Variants in PXDNL observed in about 807,000 individuals in gnomAD.
PXDNL encodes probable oxidoreductase PXDNL.
A neutral mutation model predicts 150.8 loss-of-function variants in PXDNL; 145 were observed. The observed-to-expected ratio is 0.96, with a 90% CI of 0.84 to 1.10. PXDNL has a LOEUF of 1.10. PXDNL is among the 50% of genes least tolerant of loss of function. The pLI is 0.00. For missense variants in PXDNL, 2,087 were observed against 1,873.9 expected (o/e 1.11, Z -2.10); for synonymous variants, 757 against 725.7 (o/e 1.04, Z -0.69).
chr8:51,376,628 T>A (rs921608534), intron 17 of PXDNL, among the ~76,000 whole-genome samples: 1 of 152,186 alleles, frequency 6.6e-6, no homozygotes, highest in African/African-American at 2.4e-5. Context: ...CATACTCTTC[T>A]TTCACTACAG....
At chr8:51,522,661 T>A (rs1181795775) in intron 4 of PXDNL, among the ~76,000 whole-genome samples, 1 of 152,024 alleles carries the variant, frequency 6.6e-6, no homozygotes, top group Non-Finnish European at 1.5e-5. Context: ...CTGGCCAACA[T>A]GATGAAACCC....
chr8:51,776,887 T>C (rs995420813), intron 1 of PXDNL, among the ~76,000 whole-genome samples: 1 of 152,212 alleles, frequency 6.6e-6, no homozygotes, highest in African/African-American at 2.4e-5. Flanking sequence ...TGTTTTGTTC[T>C]GGTTTTAATG....
intron 4 of PXDNL, among the ~76,000 whole-genome samples, chr8:51,503,687 T>C (rs1039073487): frequency 6.6e-6 from 1 of 152,232 alleles, no homozygotes; most frequent in Non-Finnish European, 1.5e-5. Flanking sequence ...AGTTTATATG[T>C]AAATGAATTA....
rs150458069 is a variant in PXDNL, at chr8:51,485,898, A to G, written c.453-2184T>C. ...CTACCACAAGCCCTAGCCATATGCC[A>G]TTTCCTTATCTTAAGGAACACTGGA... On this transcript the variant is annotated intron_variant, in intron 5 of 22. Transcript: ENST00000356297. Among the ~76,000 whole-genome samples, 1,259 of 152,334 alleles carry G rather than the reference A, an allele frequency of 8.3e-3. 9 individuals carry two copies. The highest frequency in any genetic ancestry group is 0.027 in the Middle Eastern group (8 of 294).
intron 9 of PXDNL, among the ~76,000 whole-genome samples, chr8:51,454,921 T>G (rs1250723782): frequency 6.6e-6 from 1 of 151,712 alleles, no homozygotes; most frequent in Non-Finnish European, 1.5e-5. Context: ...TAGGTGTAAA[T>G]GTGATAGGAG....
rs183805098 is a variant in PXDNL at position 51,634,727 on chromosome 8, T to A, written c.236+19962A>T. On this transcript the variant is annotated intron_variant, in intron 2 of 22. Transcript: ENST00000356297. Reference sequence around the variant, plus strand: ...TTAGATGTATTCCTACATATTTTATTTTTTTGTGGCTATTGAAAATGGGAT... The same window carrying A: ...TTAGATGTATTCCTACATATTTTATATTTTTGTGGCTATTGAAAATGGGAT... 2.9e-3 allele frequency among the ~76,000 whole-genome samples: 444 copies of A among 151,690 alleles called. 6 individuals carry two copies. Among genetic ancestry groups the A allele is most frequent in the Middle Eastern group, 3.4e-3 (1 of 294 alleles).
At position 51,494,306 on chromosome 8, in the gene PXDNL, G is replaced by A. The variant is rs368270515; in HGVS notation, c.452+5393C>T. Among the ~76,000 whole-genome samples the A allele has an allele frequency of 3.3e-5, 5 of 151,988 alleles. No homozygotes were observed. The East Asian group carries it at 7.7e-4, about 24-fold the overall frequency. ...CACTAAACATGGAAAGGAACAACCG[G>A]CACCACCCACTGCAAAAACATGCCA... On this transcript the variant is annotated intron_variant, in intron 5 of 22. Transcript: ENST00000356297.
intron 1 of PXDNL, among the ~76,000 whole-genome samples, chr8:51,766,322 T>A (rs1265113781): frequency 6.6e-6 from 1 of 152,024 alleles, no homozygotes; most frequent in Non-Finnish European, 1.5e-5. Flanking sequence ...TTAAAATCCA[T>A]CAACAGCATT....
Position 51,375,922 on chromosome 8 carries a change from A to G in PXDNL, c.3558-1191T>C, listed in dbSNP as rs77477816. On this transcript the variant is annotated intron_variant, in intron 17 of 22. Transcript: ENST00000356297. ...AAACAAACAGACATAGTTGTGTTCC[A>G]ATAAAACTTTATTTACAAAATTAGA... 3.0e-3 allele frequency among the ~76,000 whole-genome samples: 459 copies of G among 152,336 alleles called. 17 individuals are homozygous for G. In the East Asian group the frequency reaches 0.072, roughly 24 times the overall value.
chr8:51,436,544 C>G (rs1809412594), intron 12 of PXDNL: 1 of 245,334 alleles, frequency 4.1e-6, no homozygotes, highest in Non-Finnish European at 8.4e-6. Context: ...AATTGAAAAT[C>G]AACTCCAAAA....
intron 1 of PXDNL, among the ~76,000 whole-genome samples, chr8:51,730,452 A>G (rs998244609): frequency 5.3e-5 from 8 of 152,210 alleles, no homozygotes; most frequent in Admixed American, 3.3e-4. Context: ...TTGGAGTGAT[A>G]GGAAGAAAAC....
At chr8:51,539,635 T>G (rs951499881) in intron 4 of PXDNL, among the ~76,000 whole-genome samples, 2 of 152,270 alleles carry the variant, frequency 1.3e-5, no homozygotes, top group South Asian at 2.1e-4. Flanking sequence ...AAATATGATT[T>G]CTTTAAAAGA....
intron 17 of PXDNL, among the ~76,000 whole-genome samples, chr8:51,392,105 T>C (rs1295737192): frequency 6.6e-6 from 1 of 152,208 alleles, no homozygotes; most frequent in Non-Finnish European, 1.5e-5. Context: ...TATATCTCTG[T>C]TTTGGTACCA....
rs541590383 is a variant in PXDNL, at chr8:51,515,349, G to A, written c.381-15579C>T. ...GTGCTGCTGTGAGGCTCCAGGGGTG[G>A]AGGCATTGTCGAGAGGTGGAGAAGG... On this transcript the variant is annotated intron_variant, in intron 4 of 22. Coordinates refer to ENST00000356297, the MANE Select transcript of PXDNL (RefSeq NM_144651.5). Among the ~76,000 whole-genome samples the A allele has an allele frequency of 3.7e-4, 57 of 152,264 alleles. No homozygotes were observed. In the South Asian group the frequency reaches 0.011, roughly 29 times the overall value.
rs773008205 is a variant in PXDNL at position 51,409,535 on chromosome 8, G to A, written c.2089C>T (p.Pro697Ser). The A allele has an allele frequency of 1.9e-6, 3 of 1,598,966 alleles. No homozygotes were observed. Among genetic ancestry groups the A allele is most frequent in the Non-Finnish European group, 1.7e-6 (2 of 1,172,314 alleles). ...KEFRYNDLVS[P>S]RSLSLIANLS... ...TTGGCGATGAGGCTGAGGGAGCGCG[G>A]GGACACCAAGTCATTGTACCGGAAT... Residue 697 changes from proline to serine, a missense_variant, in exon 17 of 23, where the codon CCG (proline) becomes TCG (serine). Pro to Ser is a moderately conservative substitution (Grantham distance 74, BLOSUM62 -1). Coordinates refer to ENST00000356297, the MANE Select transcript of PXDNL (RefSeq NM_144651.5).
chr8:51,637,694 G>A (rs751080991), intron 2 of PXDNL, among the ~76,000 whole-genome samples: 2 of 152,174 alleles, frequency 1.3e-5, no homozygotes, highest in Non-Finnish European at 2.9e-5. Context: ...AGAAATATGG[G>A]ACTATGTGAA....
rs1187524051 is a variant in PXDNL, at chr8:51,535,319, G to C, written c.380+21521C>G. On this transcript the variant is annotated intron_variant, in intron 4 of 22. Coordinates refer to ENST00000356297, the MANE Select transcript of PXDNL (RefSeq NM_144651.5). ...AAAATTGAGAAATCGGATGGTTGCC[G>C]GGTCTGTGTGGATAGAAGTAGACAT... Among the ~76,000 whole-genome samples the C allele has an allele frequency of 1.4e-4, 13 of 92,378 alleles. 1 individual carries two copies. Among genetic ancestry groups the C allele is most frequent in the Non-Finnish European group, 2.5e-4 (13 of 51,678 alleles). 60.6% of individuals were successfully genotyped at this position (92,378 alleles called of 152,430 possible). A position where few individuals can be genotyped will look rare whatever the true frequency, so the allele number is the denominator to read the frequency against.
intron 1 of PXDNL, among the ~76,000 whole-genome samples, chr8:51,760,523 T>A (rs2130995560): frequency 6.6e-6 from 1 of 152,288 alleles, no homozygotes; most frequent in East Asian, 2.0e-4. Context: ...TTTTGCTGTT[T>A]GATGAAGTGC....
chr8:51,522,715 A>T (rs992384487), intron 4 of PXDNL, among the ~76,000 whole-genome samples: 3 of 152,078 alleles, frequency 2.0e-5, no homozygotes, highest in African/African-American at 4.8e-5. Flanking sequence ...ATTGTGGTGC[A>T]TGCCTGTAAT....
Sources: allele counts gnomAD v4.1 joint callset (sites outside exome capture counted in the v4.1 genomes callset), GRCh38; gene constraint gnomAD v4.1.1; transcripts MANE v1.5; gene names NCBI Gene and HGNC (gene_info 2026-07-23, HGNC 2026-07-21).